MARF1: variants seen among roughly 807,000 people sequenced by gnomAD.
The protein encoded by MARF1 is limkain-b1.
MARF1 carries 24 observed loss-of-function variants against 168.2 expected under a neutral mutation model. That is an observed-to-expected ratio of 0.14 (90% CI 0.10 to 0.20). MARF1 has a LOEUF of 0.20. MARF1 is among the 10% of genes least tolerant of loss of function. The pLI is 1.00. For synonymous variants in MARF1, 868 were observed against 822.4 expected, an observed-to-expected ratio of 1.06 and a Z score of -0.95; for missense variants, 1,744 against 2,143.6, an observed-to-expected ratio of 0.81 and a Z score of 3.68.
intron 26 of MARF1, 149 bp from the exon 27 acceptor site, chr16:15,597,086 G>C (rs867596469): frequency 3.5e-5 from 29 of 820,324 alleles, no homozygotes; most frequent in Non-Finnish European, 5.2e-5. Context: ...CATATGAGTT[G>C]TGTGGCCAGT....
intron 22 of MARF1, among the ~76,000 whole-genome samples, chr16:15,602,972 C>T (rs147249268): frequency 6.6e-6 from 1 of 152,318 alleles, no homozygotes; most frequent in East Asian, 1.9e-4. Context: ...GATTTCTTTA[C>T]CACAAACCTT....
At chr16:15,616,952 T>C (rs1039432109) in intron 15 of MARF1, 100 bp downstream of exon 15, 3 of 1,432,552 alleles carry the variant, frequency 2.1e-6, no homozygotes, top group Non-Finnish European at 2.9e-6. Flanking sequence ...TGAAGCATTG[T>C]AGAGTACTTA....
Position 15,643,018 on chromosome 16 carries a change from C to T in MARF1, c.-59G>A, listed in dbSNP as rs1445057872. Reference sequence around the variant, plus strand: ...GTCGCAGGACTGTCTGCAAACTCACCTCTGCCGCCGGCTCCACCTCCGCTC... The same window carrying T: ...GTCGCAGGACTGTCTGCAAACTCACTTCTGCCGCCGGCTCCACCTCCGCTC... On this transcript the variant is annotated splice_region_variant and 5_prime_UTR_variant, in exon 1 of 27. Transcript: ENST00000396368. 1 of 284,560 alleles carries T rather than the reference C, an allele frequency of 3.5e-6. No individual in the cohort carries two copies. Among genetic ancestry groups the T allele is most frequent in the African/African-American group, 2.4e-5 (1 of 42,096 alleles). 17.6% of individuals were successfully genotyped at this position (284,560 alleles called of 1,614,324 possible).
intron 25 of MARF1, 21 bp from the exon 26 acceptor site, chr16:15,599,045 G>A (rs781699651): frequency 1.3e-5 from 21 of 1,602,906 alleles, no homozygotes; most frequent in East Asian, 4.5e-5. Context: ...AAGGAGGGCC[G>A]TGACACCACA....
Position 15,612,707 on chromosome 16 carries a change from A to T in MARF1, c.3324T>A (p.Ile1108=), listed in dbSNP as rs774397852. The change falls in exon 17 of 27, where the codon ATT becomes ATA. Residue 1108 remains isoleucine, a synonymous_variant. Coordinates refer to ENST00000396368, the MANE Select transcript of MARF1 (RefSeq NM_014647.4). ...AAGATGGCTGGCTTTTCAGCAAGTC[A>T]ATCACTTCTCTACTGAACTGGATCA... ...PQLIQFSREV[I]DLLKSQPSCV... is the part of the protein sequence containing the mutation. The T allele has an allele frequency of 2.2e-5, 36 of 1,614,222 alleles. No homozygotes were observed. The South Asian group carries it at 4.0e-4, about 18-fold the overall frequency.
Position 15,596,776 on chromosome 16 carries a change from C to T in MARF1, c.5146G>A (p.Val1716Met), listed in dbSNP as rs570650827. Residue 1716 changes from valine to methionine, a missense_variant, in exon 27 of 27, where the codon GTG becomes ATG. Physicochemically the swap from Val to Met is conservative, Grantham distance 21 (BLOSUM62 1). Transcript: ENST00000396368. ...GGTTGCTTTTTGGCCGGGCTTTCCA[C>T]GGGGTCCTTGCTGAGCAGTGACTCG... ...TSESLLSKDP[V>M]ESPAKKQPKN... is the part of the protein sequence containing the mutation. 1.4e-5 allele frequency: 23 copies of T among 1,613,032 alleles called. No homozygotes were observed. Among genetic ancestry groups the T allele is most frequent in the South Asian group, 1.2e-4 (11 of 91,012 alleles).
intron 5 of MARF1, among the ~76,000 whole-genome samples, chr16:15,633,233 A>G (rs1026287855): frequency 6.6e-6 from 1 of 150,962 alleles, no homozygotes; most frequent in Non-Finnish European, 1.5e-5. Flanking sequence ...GGCCAAGGCA[A>G]GAGGACTGCT....
intron 7 of MARF1, among the ~76,000 whole-genome samples, chr16:15,626,895 C>T (rs569109435): frequency 3.6e-4 from 51 of 139,830 alleles, no homozygotes; most frequent in African/African-American, 1.3e-3. Flanking sequence ...ACCCAGGAGG[C>T]GGAGGTTGCA....
chr16:15,600,425 T>C lies in MARF1; in HGVS notation c.4813+3A>G. 2 of 1,614,180 alleles carry C rather than the reference T, an allele frequency of 1.2e-6. No individual in the cohort carries two copies. Among genetic ancestry groups the C allele is most frequent in the Non-Finnish European group, 1.7e-6 (2 of 1,180,050 alleles). Reference sequence around the variant, plus strand: ...TCCTATGTCTCTGCTTTTCCTCTCTTACCACTGCCGTCAGCTCCAAGCTTG... The same window carrying C: ...TCCTATGTCTCTGCTTTTCCTCTCTCACCACTGCCGTCAGCTCCAAGCTTG... On this transcript the variant is annotated splice_donor_region_variant and intron_variant, in intron 25 of 26. Transcript: ENST00000396368.
rs761811364 is a variant in MARF1 at position 15,621,717 on chromosome 16, C to A, written c.2639+16G>T. 1 of 1,599,650 alleles carries A rather than the reference C, an allele frequency of 6.3e-7. No individual in the cohort carries two copies. Among genetic ancestry groups the A allele is most frequent in the Admixed American group, 1.8e-5 (1 of 56,252 alleles). On this transcript the variant is annotated intron_variant, in intron 12 of 26. Coordinates refer to ENST00000396368, the MANE Select transcript of MARF1 (RefSeq NM_014647.4). Reference sequence around the variant, plus strand: ...AAATGTTATTTCCTGAAATAAACAGCTTGCTTGTTTCTTACCTCAGTAAAG... The same window carrying A: ...AAATGTTATTTCCTGAAATAAACAGATTGCTTGTTTCTTACCTCAGTAAAG...
At chr16:15,599,058 A>G in intron 25 of MARF1, 34 bp from the exon 26 acceptor site, 1 of 1,594,842 alleles carries the variant, frequency 6.3e-7, no homozygotes, top group South Asian at 1.1e-5. Context: ...ACACCACAGG[A>G]CCTCCACGCC....
At chr16:15,604,947 T>C (rs1216852079) in intron 21 of MARF1, among the ~76,000 whole-genome samples, 1 of 152,192 alleles carries the variant, frequency 6.6e-6, no homozygotes, top group Non-Finnish European at 1.5e-5. Flanking sequence ...AAAGCTGGTA[T>C]TTTCATCTGA....
chr16:15,604,036 C>T (rs929893866), intron 22 of MARF1, 132 bp downstream of exon 22: 12 of 698,074 alleles, frequency 1.7e-5, no homozygotes, highest in Middle Eastern at 3.0e-4. Flanking sequence ...GAGGTCTCGG[C>T]GTGTTCATCC....
intron 7 of MARF1, among the ~76,000 whole-genome samples, chr16:15,628,657 C>G (rs1168720419): frequency 6.6e-6 from 1 of 152,148 alleles, no homozygotes; most frequent in African/African-American, 2.4e-5. Flanking sequence ...GATTGGTGAT[C>G]TGCCCACCTC....
chr16:15,603,441 TG>T (rs2032706688), intron 22 of MARF1, among the ~76,000 whole-genome samples: 1 of 152,110 alleles, frequency 6.6e-6, no homozygotes, highest in Non-Finnish European at 1.5e-5. Flanking sequence ...TCTTAGTAGC[TG>T]GGATTATAGA....
chr16:15,598,800 T>C lies in MARF1; in HGVS notation c.4984+54A>G, dbSNP rs539162698. ...CATTTACTATATCAGTATCTCATCG[T>C]GGTTTTGTTTTAAACCCCGAAGAAA... On this transcript the variant is annotated intron_variant, in intron 26 of 26. Transcript: ENST00000396368. 7.3e-6 allele frequency: 11 copies of C among 1,515,722 alleles called. No individual in the cohort carries two copies. The South Asian group carries it at 1.0e-4, about 14-fold the overall frequency. 93.9% of individuals were successfully genotyped at this position (1,515,722 alleles called of 1,614,324 possible).
chr16:15,616,430 T>C (rs1457001664), intron 15 of MARF1, among the ~76,000 whole-genome samples: 4 of 152,208 alleles, frequency 2.6e-5, no homozygotes, highest in Non-Finnish European at 5.9e-5. Flanking sequence ...AGCTGTGTAC[T>C]CTCAACACTT....
At chr16:15,600,617 G>T in intron 24 of MARF1, 24 bp downstream of exon 24, 1 of 1,614,040 alleles carries the variant, frequency 6.2e-7, no homozygotes, top group Non-Finnish European at 8.5e-7. Context: ...TTTTTAAGGG[G>T]GGAGGGGATG....
intron 1 of MARF1, among the ~76,000 whole-genome samples, chr16:15,639,632 C>T (rs2151326722): frequency 6.6e-6 from 1 of 152,282 alleles, no homozygotes; most frequent in Admixed American, 6.5e-5. Context: ...AACTCCTGAC[C>T]TCAAGTGATC....
Sources: gnomAD v4.1 joint callset for allele counts (sites outside exome capture counted in the v4.1 genomes callset) on GRCh38, gnomAD v4.1.1 for gene constraint, MANE v1.5 for transcripts, NCBI Gene and HGNC (gene_info 2026-07-23, HGNC 2026-07-21) for gene names.